The following SAMD12 variants were observed in gnomAD, a reference collection of about 807,000 sequenced individuals.
The protein encoded by SAMD12 is sterile alpha motif domain-containing protein 12.
SAMD12 carries 9 observed loss-of-function variants against 15.0 expected under a neutral mutation model. That is an observed-to-expected ratio of 0.60 (90% CI 0.36 to 1.05). The LOEUF is 1.05. SAMD12 is among the 50% of genes least tolerant of loss of function. The pLI, the probability that SAMD12 is intolerant of heterozygous loss-of-function variation, is 0.01. For synonymous variants in SAMD12, 86 were observed against 90.1 expected (o/e 0.96, Z 0.25); for missense variants, 230 against 234.2 (o/e 0.98, Z 0.12).
chr8:118,546,162 T>A (rs968961375), intron 2 of SAMD12, among the ~76,000 whole-genome samples: 10 of 152,092 alleles, frequency 6.6e-5, no homozygotes, highest in African/African-American at 2.2e-4. Context: ...CAGGGTACTA[T>A]CAGAGAATAG....
intron 4 of SAMD12, among the ~76,000 whole-genome samples, chr8:118,319,078 A>G (rs1236816304): frequency 6.6e-6 from 1 of 152,170 alleles, no homozygotes; most frequent in East Asian, 1.9e-4. Context: ...CACCTCAGCC[A>G]TAAAGCTGGA....
At chr8:118,618,620 A>G (rs927710220) in intron 1 of SAMD12, among the ~76,000 whole-genome samples, 1 of 152,088 alleles carries the variant, frequency 6.6e-6, no homozygotes, top group Non-Finnish European at 1.5e-5. Flanking sequence ...CGGGCGGATC[A>G]CGAGGTTAGG....
intron 4 of SAMD12, among the ~76,000 whole-genome samples, chr8:118,335,186 G>A (rs939493653): frequency 6.6e-6 from 1 of 152,144 alleles, no homozygotes; most frequent in Non-Finnish European, 1.5e-5. Context: ...TCTCTTAGGA[G>A]TACACATGCA....
At chr8:118,227,884 A>G (rs568249103) in intron 4 of SAMD12, among the ~76,000 whole-genome samples, 21 of 152,204 alleles carry the variant, frequency 1.4e-4, no homozygotes, top group Admixed American at 3.9e-4. Flanking sequence ...ATTTCAAACT[A>G]TACTACAAGG....
At chr8:118,234,536 C>T (rs1337576426) in intron 4 of SAMD12, among the ~76,000 whole-genome samples, 1 of 151,348 alleles carries the variant, frequency 6.6e-6, no homozygotes, top group Non-Finnish European at 1.5e-5. Flanking sequence ...ATGGTGAAAC[C>T]CCGTCTCTAC....
At chr8:118,410,202 G>A (rs1821341714) in intron 3 of SAMD12, among the ~76,000 whole-genome samples, 1 of 152,134 alleles carries the variant, frequency 6.6e-6, no homozygotes, top group African/African-American at 2.4e-5. Flanking sequence ...TTTACACACT[G>A]GGATGTGTGA....
At chr8:118,614,268 C>T (rs534743287) in intron 1 of SAMD12, among the ~76,000 whole-genome samples, 63 of 152,300 alleles carry the variant, frequency 4.1e-4, no homozygotes, top group South Asian at 2.1e-3. Flanking sequence ...TTAAGAGCTT[C>T]CCTTATACTA....
At chr8:118,214,221 A>G (rs1287875377) in intron 4 of SAMD12, among the ~76,000 whole-genome samples, 3 of 152,256 alleles carry the variant, frequency 2.0e-5, no homozygotes, top group South Asian at 2.1e-4. Flanking sequence ...AATAAAATAC[A>G]GGGACTAGAA....
chr8:118,347,935 GC>G (rs1045685574), intron 4 of SAMD12, among the ~76,000 whole-genome samples: 3 of 152,220 alleles, frequency 2.0e-5, no homozygotes, highest in Admixed American at 2.0e-4. Flanking sequence ...GAATCTGACT[GC>G]CGGGGCTAGT....
the SAMD12 span, among the ~76,000 whole-genome samples, chr8:118,155,750 T>C: frequency 6.6e-6 from 1 of 152,250 alleles, no homozygotes. Context: ...ATGTCTAGTC[T>C]GTCCAGCTTC....
chr8:118,460,852 G>A (rs958776191), intron 2 of SAMD12, among the ~76,000 whole-genome samples: 2 of 152,092 alleles, frequency 1.3e-5, no homozygotes, highest in Admixed American at 6.5e-5. Context: ...AGGATGAAAC[G>A]GACCCATTTC....
chr8:118,322,609 C>G (rs1816341569), intron 4 of SAMD12, among the ~76,000 whole-genome samples: 1 of 152,170 alleles, frequency 6.6e-6, no homozygotes, highest in Non-Finnish European at 1.5e-5. Flanking sequence ...TAGGCTGAAC[C>G]AAGTAAAGCT....
chr8:118,352,305 C>T (rs1287276841), intron 4 of SAMD12, among the ~76,000 whole-genome samples: 1 of 152,088 alleles, frequency 6.6e-6, no homozygotes, highest in East Asian at 1.9e-4. Flanking sequence ...ATTCCATTTA[C>T]AAGAGTCCAT....
At chr8:118,266,668 A>G (rs890212366) in intron 4 of SAMD12, among the ~76,000 whole-genome samples, 1 of 152,130 alleles carries the variant, frequency 6.6e-6, no homozygotes, top group African/African-American at 2.4e-5. Context: ...AAAAAAGAAG[A>G]TCCTGTCATT....
At chr8:118,349,879 G>A (rs1409009402) in intron 4 of SAMD12, among the ~76,000 whole-genome samples, 1 of 152,170 alleles carries the variant, frequency 6.6e-6, no homozygotes, top group Non-Finnish European at 1.5e-5. Context: ...TGTAATCCCA[G>A]TACCTTGGGA....
intron 4 of SAMD12, among the ~76,000 whole-genome samples, chr8:118,323,085 A>G (rs1406097855): frequency 6.6e-6 from 1 of 152,166 alleles, no homozygotes; most frequent in East Asian, 1.9e-4. Flanking sequence ...GGACTGGAGC[A>G]ATCTCAAAAA....
chr8:118,621,608 C>T (rs1828408904), intron 1 of SAMD12, 196 bp downstream of exon 1: 2 of 631,996 alleles, frequency 3.2e-6, no homozygotes, highest in African/African-American at 3.6e-5. Flanking sequence ...CCCTTCACGT[C>T]TCTCCAAAGC....
intron 2 of SAMD12, among the ~76,000 whole-genome samples, chr8:118,473,981 T>C (rs1823885083): frequency 1.3e-5 from 2 of 152,212 alleles, no homozygotes; most frequent in Admixed American, 1.3e-4. Flanking sequence ...TTTTTTGAGA[T>C]GCAGTCTCAT....
chr8:118,449,798 C>CAAAAA (rs35279962), intron 2 of SAMD12, among the ~76,000 whole-genome samples: 32 of 72,382 alleles, frequency 4.4e-4, no homozygotes, highest in African/African-American at 1.4e-3. Flanking sequence ...GAGACTGTCT[C>CAAAAA]AAAAAAAAAA....
Sources: gnomAD v4.1 joint callset for allele counts (sites outside exome capture counted in the v4.1 genomes callset) on GRCh38, gnomAD v4.1.1 for gene constraint, MANE v1.5 for transcripts, NCBI Gene and HGNC (gene_info 2026-07-23, HGNC 2026-07-21) for gene names.